Variants in XXYLT1 observed in about 807,000 individuals in gnomAD.
The protein encoded by XXYLT1 is xyloside xylosyltransferase 1.
In XXYLT1, 20 loss-of-function variants were observed where a neutral mutation model predicts 28.9. The observed-to-expected ratio is 0.69, with a 90% CI of 0.49 to 1.00. XXYLT1 has a LOEUF of 1.00. Ranked by LOEUF, XXYLT1 falls within the 50% of genes least tolerant of loss-of-function variation. XXYLT1 has a pLI of 0.00. For synonymous variants in XXYLT1, 257 were observed against 253.8 expected (o/e 1.01, Z -0.12); for missense variants, 542 against 560.1 (o/e 0.97, Z 0.33).
chr3:195,130,899 C>A (rs1057051828), intron 3 of XXYLT1, among the ~76,000 whole-genome samples: 1 of 151,968 alleles, frequency 6.6e-6, no homozygotes, highest in African/African-American at 2.4e-5. Flanking sequence ...GCGGCTTTGT[C>A]CCATACGCTC....
In XXYLT1 at chr3:195,248,613, C is replaced by G. The variant is rs563981102; in HGVS notation, c.505-21757G>C. The stretch of plus-strand genomic sequence containing the variant: ...TCCCCAGCCACATGGAACTGTAAGT[C>G]CATTAAAATGCCCTTTTTCCTTGGC... On this transcript the variant is annotated intron_variant, in intron 1 of 3. Transcript: ENST00000310380. 3.2e-4 allele frequency among the ~76,000 whole-genome samples: 49 copies of G among 152,324 alleles called. 1 individual carries two copies. The South Asian group carries it at 0.01, about 32-fold the overall frequency.
At chr3:195,108,569 G>A (rs1036407965) in intron 3 of XXYLT1, among the ~76,000 whole-genome samples, 2 of 152,222 alleles carry the variant, frequency 1.3e-5, no homozygotes, top group Non-Finnish European at 2.9e-5. Context: ...TCGTCTTTGT[G>A]TGAACACACA....
At chr3:195,119,684 G>GT (rs575422371) in intron 3 of XXYLT1, among the ~76,000 whole-genome samples, 457 of 152,246 alleles carry the variant, frequency 3.0e-3, no homozygotes, top group African/African-American at 9.8e-3. Flanking sequence ...TCCGAGGGCT[G>GT]TTTCGTCCTC....
In XXYLT1 at chr3:195,077,420, G is replaced by C. The variant is rs1008047884; in HGVS notation, c.786-7309C>G. On this transcript the variant is annotated intron_variant, in intron 3 of 3. Coordinates refer to ENST00000310380, the MANE Select transcript of XXYLT1 (RefSeq NM_152531.5). This position sits in a 1 kb window ranked among gnomAD's most constrained non-coding sequence, Gnocchi z 4.8. Reference sequence around the variant, plus strand: ...GCAGCGTGCCCTGAGGAGCAGCCCTGCCTGTCCCTGTAGGTGCTCAGCCTC... The same window carrying C: ...GCAGCGTGCCCTGAGGAGCAGCCCTCCCTGTCCCTGTAGGTGCTCAGCCTC... 1.3e-5 allele frequency among the ~76,000 whole-genome samples: 2 copies of C among 152,192 alleles called. No homozygotes were observed. The highest frequency in any genetic ancestry group is 2.4e-5 in the African/African-American group (1 of 41,452).
At chr3:195,190,426 C>T (rs572882611) in intron 2 of XXYLT1, among the ~76,000 whole-genome samples, 1 of 142,340 alleles carries the variant, frequency 7.0e-6, no homozygotes, top group South Asian at 2.2e-4. Context: ...ACCCAGGAGG[C>T]ACAGGTTGCA....
At chr3:195,184,281 A>G (rs1163921223) in intron 2 of XXYLT1, among the ~76,000 whole-genome samples, 1 of 152,214 alleles carries the variant, frequency 6.6e-6, no homozygotes, top group Non-Finnish European at 1.5e-5. Context: ...AACAGACGAT[A>G]TCAATTTTTC....
intron 3 of XXYLT1, among the ~76,000 whole-genome samples, chr3:195,098,699 G>A (rs1716597383): frequency 6.6e-6 from 1 of 152,268 alleles, no homozygotes; most frequent in Non-Finnish European, 1.5e-5. Context: ...GCTGGCCCCT[G>A]CTGCAGAGCC....
At position 195,180,852 on chromosome 3, in the gene XXYLT1, A is replaced by G. The variant is rs539193145; in HGVS notation, c.653-24271T>C. 6.6e-6 allele frequency among the ~76,000 whole-genome samples: 1 copy of G among 152,334 alleles called. No individual in the cohort carries two copies. The highest frequency in any genetic ancestry group is 1.9e-4 in the East Asian group (1 of 5,194). ...AGGACTTTGCTCGTGAGGGGTCCTC[A>G]AGGCCACTGTCGCCCAGACCTTTAG... On this transcript the variant is annotated intron_variant, in intron 2 of 3. Transcript: ENST00000310380. The surrounding 1 kb of genome is among the most constrained non-coding windows in gnomAD (Gnocchi z 5.8).
chr3:195,231,398 C>T (rs968440177), intron 1 of XXYLT1, among the ~76,000 whole-genome samples: 16 of 152,024 alleles, frequency 1.1e-4, no homozygotes, highest in African/African-American at 3.9e-4. Context: ...TGTCTGATTG[C>T]TCTAGCTAGG....
At chr3:195,235,163 T>A (rs1038481202) in intron 1 of XXYLT1, among the ~76,000 whole-genome samples, 2 of 152,148 alleles carry the variant, frequency 1.3e-5, no homozygotes, top group Non-Finnish European at 2.9e-5. Flanking sequence ...TGGAGTGCAG[T>A]GGGGCAATCT....
intron 2 of XXYLT1, among the ~76,000 whole-genome samples, chr3:195,172,123 T>C (rs959349574): frequency 6.6e-6 from 1 of 152,208 alleles, no homozygotes; most frequent in African/African-American, 2.4e-5. Context: ...GTAACTTTAA[T>C]TCCTTTAACA....
intron 3 of XXYLT1, among the ~76,000 whole-genome samples, chr3:195,110,472 GGT>G (rs200068091): frequency 1.9e-4 from 26 of 136,702 alleles, no homozygotes; most frequent in African/African-American, 4.2e-4. Flanking sequence ...GTGTGGGTGA[GGT>G]GTGTGTGTAT....
chr3:195,231,752 ATTT>A (rs34130895), intron 1 of XXYLT1, among the ~76,000 whole-genome samples: 42 of 143,304 alleles, frequency 2.9e-4, no homozygotes, highest in African/African-American at 9.6e-4. Context: ...ATGATGAATG[ATTT>A]TTTTTTTTTT....
At position 195,135,690 on chromosome 3, in the gene XXYLT1, C is replaced by T. The variant is rs77512919; in HGVS notation, c.785+20759G>A. Among the ~76,000 whole-genome samples, 37 of 152,202 alleles carry T rather than the reference C, an allele frequency of 2.4e-4. No homozygotes were observed. In the East Asian group the frequency reaches 5.8e-3, roughly 24 times the overall value. ...GTTCCTGTGACTGAAGGGGCAGACA[C>T]GGAAACTCAGACTGGAAGAGCTTTC... On this transcript the variant is annotated intron_variant, in intron 3 of 3. Transcript: ENST00000310380.
In XXYLT1 at chr3:195,133,518, T is replaced by C. The variant is rs1719007202; in HGVS notation, c.785+22931A>G. ...GCATCTATTGAACTCTAAAAATGAA[T>C]GTGTCTGCACCAAGAAAACTAGATG... On this transcript the variant is annotated intron_variant, in intron 3 of 3. Transcript: ENST00000310380. This position sits in a 1 kb window ranked among gnomAD's most constrained non-coding sequence, Gnocchi z 4.4. 6.6e-6 allele frequency among the ~76,000 whole-genome samples: 1 copy of C among 152,178 alleles called. No individual in the cohort carries two copies. The highest frequency in any genetic ancestry group is 1.5e-5 in the Non-Finnish European group (1 of 68,020).
intron 3 of XXYLT1, among the ~76,000 whole-genome samples, chr3:195,136,324 C>T (rs115717084): frequency 0.014 from 2,074 of 152,204 alleles, 15 homozygotes; most frequent in Non-Finnish European, 0.022. Context: ...TGCAACCCAC[C>T]CCGGCCCAAA....
intron 2 of XXYLT1, among the ~76,000 whole-genome samples, chr3:195,185,085 A>G (rs1013927831): frequency 8.9e-5 from 9 of 100,938 alleles, no homozygotes; most frequent in Non-Finnish European, 1.5e-4. Context: ...GAAAGAAGGA[A>G]GAAGGAAGGA....
Position 195,193,982 on chromosome 3 carries a change from T to C in XXYLT1, c.652+32727A>G, listed in dbSNP as rs1722524943. ...CAAATGTTGCAGGAGAAAATATTCC[T>C]GACCTTGGGTTAGGCAAAGAATTCT... is the stretch of plus-strand genomic sequence containing the variant. On this transcript the variant is annotated intron_variant, in intron 2 of 3. Coordinates refer to ENST00000310380, the MANE Select transcript of XXYLT1 (RefSeq NM_152531.5). 3.9e-5 allele frequency among the ~76,000 whole-genome samples: 6 copies of C among 152,076 alleles called. 1 individual carries two copies. The South Asian group carries it at 1.0e-3, about 26-fold the overall frequency.
intron 2 of XXYLT1, among the ~76,000 whole-genome samples, chr3:195,202,317 C>G (rs1350411545): frequency 6.6e-6 from 1 of 150,912 alleles, no homozygotes; most frequent in Non-Finnish European, 1.5e-5. Context: ...ACAAAAGATA[C>G]CAACATTGAG....
Sources: gnomAD v4.1 joint callset for allele counts (sites outside exome capture counted in the v4.1 genomes callset) on GRCh38, gnomAD v4.1.1 for gene constraint, Gnocchi (gnomAD v3.1) non-coding constraint, MANE v1.5 for transcripts, NCBI Gene and HGNC (gene_info 2026-07-23, HGNC 2026-07-21) for gene names.